TTC13: variants seen among roughly 807,000 people sequenced by gnomAD.
TTC13 encodes the protein tetratricopeptide repeat domain 13.
Under a neutral mutation model 120.0 loss-of-function variants are expected in TTC13, and 62 were observed. The observed-to-expected ratio is 0.52, with a 90% CI of 0.42 to 0.64. The LOEUF (loss-of-function observed/expected upper bound fraction) is 0.64, where lower values mean the gene tolerates loss of function less well. Among genes scored for constraint, TTC13 ranks in the 30% least tolerant of loss-of-function variants. The pLI is 0.00. For missense variants in TTC13, 824 were observed against 1,050.2 expected (o/e 0.78, Z 2.98); for synonymous variants, 384 against 393.5 (o/e 0.98, Z 0.28).
Position 230,925,770 on chromosome 1 carries a change from T to C in TTC13, c.1458-123A>G, listed in dbSNP as rs185840424. 5.3e-5 allele frequency: 57 copies of C among 1,082,900 alleles called. No homozygotes were observed. The Admixed American group carries it at 1.1e-3, about 20-fold the overall frequency. The allele number at this position is 1,082,900 out of a possible 1,614,324, so 67.1% of individuals were successfully genotyped here. ...AATGAAGCAGTCTACGACCACATAA[T>C]CCTTACTTCAGTCCTTTGCACCCAA... On this transcript the variant is annotated intron_variant, in intron 12 of 22. Coordinates refer to ENST00000366661, the MANE Select transcript of TTC13 (RefSeq NM_024525.5).
chr1:230,972,757 C>A (rs1056816874), intron 1 of TTC13, among the ~76,000 whole-genome samples: 2 of 152,154 alleles, frequency 1.3e-5, no homozygotes, highest in African/African-American at 2.4e-5. Context: ...GTATGTAGAT[C>A]TTTTAAAAGG....
intron 3 of TTC13, chr1:230,956,334 ATAAACT>A: frequency 4.9e-6 from 1 of 204,462 alleles, no homozygotes; most frequent in Non-Finnish European, 1.0e-5. Flanking sequence ...GGATAAAAAC[ATAAACT>A]TGTACTTTTT....
At chr1:230,925,087 T>C (rs1672939697) in intron 13 of TTC13, 114 bp from the exon 14 acceptor site, 5 of 1,340,014 alleles carry the variant, frequency 3.7e-6, no homozygotes, top group South Asian at 1.3e-5. Flanking sequence ...GTCAGAAGTA[T>C]TGGTGATATA....
Position 230,928,957 on chromosome 1 carries a change from T to C in TTC13, c.1437A>G (p.Pro479=), listed in dbSNP as rs761901046. ...PFLIEDYEEQ[P]GLQPHIKDVL... is the part of the protein sequence containing the mutation. ...CTTACTTTATGTGGGGTTGCAACCC[T>C]GGCTGCTCTTCGTAGTCTTCTATGA... Residue 479 remains proline, a synonymous_variant, in exon 12 of 23, where the codon CCA becomes CCG. Transcript: ENST00000366661. The C allele has an allele frequency of 1.5e-5, 24 of 1,614,026 alleles. No homozygotes were observed. The highest frequency in any genetic ancestry group is 1.9e-5 in the Non-Finnish European group (23 of 1,180,022).
intron 4 of TTC13, among the ~76,000 whole-genome samples, chr1:230,951,391 T>C (rs1675563582): frequency 6.6e-6 from 1 of 151,550 alleles, no homozygotes; most frequent in Admixed American, 6.6e-5. Flanking sequence ...AAAAAAAAGA[T>C]TGCCAAGAGT....
At chr1:230,926,206 T>A (rs1347318782) in intron 12 of TTC13, among the ~76,000 whole-genome samples, 2 of 152,070 alleles carry the variant, frequency 1.3e-5, no homozygotes, top group Non-Finnish European at 2.9e-5. Context: ...CACATAATGA[T>A]ACTCACAATA....
chr1:230,958,304 G>GAAAA lies in TTC13; in HGVS notation c.367-9_367-6dup. The stretch of plus-strand genomic sequence containing the variant: ...TGCAATAGACTTGGCCTGGCTCTGG[G>GAAAA]AAAAAAAAAAAAAAAACCCATACAT... On this transcript the variant is annotated splice_polypyrimidine_tract_variant and splice_region_variant and intron_variant, in intron 2 of 22. Transcript: ENST00000366661. The GAAAA allele has an allele frequency of 1.1e-5, 16 of 1,449,928 alleles. No individual in the cohort carries two copies. Among genetic ancestry groups the GAAAA allele is most frequent in the South Asian group, 5.2e-5 (4 of 77,226 alleles). 89.8% of individuals were successfully genotyped at this position (1,449,928 alleles called of 1,614,324 possible). A position where few individuals can be genotyped will look rare whatever the true frequency, so the allele number is the denominator to read the frequency against.
chr1:230,957,608 G>T (rs181355175), intron 3 of TTC13, among the ~76,000 whole-genome samples: 2 of 152,216 alleles, frequency 1.3e-5, no homozygotes, highest in Admixed American at 6.5e-5. Flanking sequence ...CAGTTGCACT[G>T]CTCAGCCCTG....
Position 230,978,585 on chromosome 1 carries a change from C to G in TTC13, c.246G>C (p.Gly82=), listed in dbSNP as rs1396649681. Residue 82 remains glycine (G), a synonymous_variant, in exon 1 of 23, where the codon GGG becomes GGC. Transcript: ENST00000366661. The surrounding 1 kb of genome is among the most constrained non-coding windows in gnomAD (Gnocchi z 5.6). Reference sequence around the variant, plus strand: ...CGCCGCACTCGGCAGAGTACTGGTCCCCCCAGTCCCCGGACTGCGGGCTGC... The same window carrying G: ...CGCCGCACTCGGCAGAGTACTGGTCGCCCCAGTCCCCGGACTGCGGGCTGC... The part of the protein sequence containing the change: ...GGCSPQSGDW[G]DQYSAECGES... 1.2e-5 allele frequency: 16 copies of G among 1,344,950 alleles called. No individual in the cohort carries two copies. Among genetic ancestry groups the G allele is most frequent in the Non-Finnish European group, 1.6e-5 (16 of 1,011,358 alleles). 83.3% of individuals were successfully genotyped at this position (1,344,950 alleles called of 1,614,324 possible).
At chr1:230,976,908 C>A (rs554441605) in intron 1 of TTC13, among the ~76,000 whole-genome samples, 2 of 152,332 alleles carry the variant, frequency 1.3e-5, no homozygotes, top group South Asian at 4.1e-4. Flanking sequence ...CTTCTACTGT[C>A]TAAACGCTGG....
chr1:230,962,782 T>C (rs1455235822), intron 1 of TTC13, among the ~76,000 whole-genome samples: 1 of 152,198 alleles, frequency 6.6e-6, no homozygotes, highest in Non-Finnish European at 1.5e-5. Flanking sequence ...TGATACACAC[T>C]GCAACGTGGA....
intron 2 of TTC13, among the ~76,000 whole-genome samples, chr1:230,960,717 A>G (rs534016256): frequency 2.6e-5 from 4 of 152,352 alleles, no homozygotes; most frequent in Admixed American, 6.5e-5. Context: ...CATAGAGTTA[A>G]GTGTGAACAA....
At chr1:230,943,781 G>A (rs532904317) in intron 6 of TTC13, 25 bp downstream of exon 6, 4 of 1,563,282 alleles carry the variant, frequency 2.6e-6, no homozygotes, top group African/African-American at 1.4e-5. Context: ...AATAATGACA[G>A]AGGGAAAAAG....
chr1:230,956,940 A>C (rs898352044), intron 3 of TTC13, among the ~76,000 whole-genome samples: 2 of 152,126 alleles, frequency 1.3e-5, no homozygotes, highest in African/African-American at 4.8e-5. Context: ...TTTTTTCAAG[A>C]AAAAATACTG....
intron 2 of TTC13, among the ~76,000 whole-genome samples, chr1:230,958,687 T>C (rs1437929918): frequency 2.6e-5 from 4 of 152,206 alleles, no homozygotes; most frequent in African/African-American, 9.7e-5. Context: ...AAGATTTTTC[T>C]CCTTAATAAA....
At position 230,931,574 on chromosome 1, in the gene TTC13, C is replaced by A. The variant is rs984428797; in HGVS notation, c.1126-102G>T. On this transcript the variant is annotated intron_variant, in intron 10 of 22. Coordinates refer to ENST00000366661, the MANE Select transcript of TTC13 (RefSeq NM_024525.5). Reference sequence around the variant, plus strand: ...AGTTTTCCCTCCAGGTTAAACCAGACCTGTAAACTAGTCTACAGGACAAGA... The same window carrying A: ...AGTTTTCCCTCCAGGTTAAACCAGAACTGTAAACTAGTCTACAGGACAAGA... 1.8e-5 allele frequency: 27 copies of A among 1,471,968 alleles called. No homozygotes were observed. The Admixed American group carries it at 5.3e-4, about 29-fold the overall frequency. 91.2% of individuals were successfully genotyped at this position (1,471,968 alleles called of 1,614,324 possible).
At chr1:230,950,401 T>G (rs1014654998) in intron 4 of TTC13, among the ~76,000 whole-genome samples, 1 of 152,002 alleles carries the variant, frequency 6.6e-6, no homozygotes, top group African/African-American at 2.4e-5. Flanking sequence ...CTAAATGGTG[T>G]TGTGTCTACT....
chr1:230,971,114 G>A (rs1677688484), intron 1 of TTC13, among the ~76,000 whole-genome samples: 1 of 152,030 alleles, frequency 6.6e-6, no homozygotes, highest in Non-Finnish European at 1.5e-5. Context: ...GGGAGGCCGA[G>A]GCAGGCGGAT....
At chr1:230,973,574 C>A (rs1677972682) in intron 1 of TTC13, among the ~76,000 whole-genome samples, 1 of 152,150 alleles carries the variant, frequency 6.6e-6, no homozygotes, top group South Asian at 2.1e-4. Flanking sequence ...TGAAAAAAGG[C>A]TGAAGGCATT....
Sources: allele counts gnomAD v4.1 joint callset (sites outside exome capture counted in the v4.1 genomes callset), GRCh38; gene constraint gnomAD v4.1.1; non-coding constraint Gnocchi (gnomAD v3.1); transcripts MANE v1.5; gene names NCBI Gene and HGNC (gene_info 2026-07-23, HGNC 2026-07-21).